CNTRL: variants seen among roughly 807,000 people sequenced by gnomAD.
CNTRL encodes centriolin.
A neutral mutation model predicts 303.7 loss-of-function variants in CNTRL; 233 were observed. The observed-to-expected ratio is 0.77, with a 90% CI of 0.69 to 0.86. The LOEUF (loss-of-function observed/expected upper bound fraction) is 0.86. Ranked by LOEUF, CNTRL falls within the 40% of genes least tolerant of loss-of-function variation. The pLI, the probability that CNTRL is intolerant of heterozygous loss-of-function variation, is 0.00. For synonymous variants in CNTRL, 900 were observed against 922.2 expected (o/e 0.98, Z 0.44); for missense variants, 2,524 against 2,650.6 (o/e 0.95, Z 1.05).
chr9:121,076,779 A>C (rs1170565804), intron 1 of CNTRL, among the ~76,000 whole-genome samples: 2 of 152,142 alleles, frequency 1.3e-5, no homozygotes, highest in Non-Finnish European at 2.9e-5. Context: ...GACTTTGCAG[A>C]GGAATCGGAA....
chr9:121,092,069 A>G (rs575746713), intron 4 of CNTRL, among the ~76,000 whole-genome samples: 42 of 146,206 alleles, frequency 2.9e-4, no homozygotes, highest in East Asian at 9.8e-4. Context: ...GGCAAAATAT[A>G]TATATTTATA....
At chr9:121,157,381 T>C in intron 27 of CNTRL, 89 bp from the exon 28 acceptor site, 5 of 1,351,944 alleles carry the variant, frequency 3.7e-6, no homozygotes, top group Non-Finnish European at 5.0e-6. Context: ...ACCATCTTGT[T>C]TTCCAAAAGA....
In CNTRL at chr9:121,127,973, C is replaced by T. The variant is rs528378115; in HGVS notation, c.2025+2037C>T. Reference sequence around the variant, plus strand: ...TCCATGTCCCTGCAAAGGACATGAACTCATCCTTTTTTATGGCTGCATAGT... The same window carrying T: ...TCCATGTCCCTGCAAAGGACATGAATTCATCCTTTTTTATGGCTGCATAGT... On this transcript the variant is annotated intron_variant, in intron 14 of 43. Coordinates refer to ENST00000373855, the MANE Select transcript of CNTRL (RefSeq NM_007018.6). 1.2e-3 allele frequency among the ~76,000 whole-genome samples: 190 copies of T among 152,256 alleles called. 1 individual carries two copies. Among genetic ancestry groups the T allele is most frequent in the African/African-American group, 4.3e-3 (180 of 41,542 alleles).
chr9:121,122,860 G>C (rs905656004), intron 12 of CNTRL, among the ~76,000 whole-genome samples: 1 of 152,138 alleles, frequency 6.6e-6, no homozygotes, highest in Non-Finnish European at 1.5e-5. Flanking sequence ...TGAAAGCTCT[G>C]TTTTCCACCA....
chr9:121,097,980 CTA>C (rs1217976945), intron 6 of CNTRL, among the ~76,000 whole-genome samples: 1 of 152,126 alleles, frequency 6.6e-6, no homozygotes, highest in Non-Finnish European at 1.5e-5. Flanking sequence ...TTTTTTATAA[CTA>C]TTCATTTTTT....
Position 121,144,867 on chromosome 9 carries a change from A to T in CNTRL, c.3076A>T (p.Ser1026Cys). Reference sequence around the variant, plus strand: ...GGAGTTGCAGGAAGCAGAGAGGTTCAGCAGAAAGGCAGCACAAGCAGCCAG... The same window carrying T: ...GGAGTTGCAGGAAGCAGAGAGGTTCTGCAGAAAGGCAGCACAAGCAGCCAG... Reference protein sequence around the residue: ...AEELQEAERFSRKAAQAARDL... With the variant: ...AEELQEAERFCRKAAQAARDL... Residue 1026 changes from serine to cysteine, a missense_variant, in exon 21 of 44, where the codon AGC (serine) becomes TGC (cysteine). Coordinates refer to ENST00000373855, the MANE Select transcript of CNTRL (RefSeq NM_007018.6). 1 of 1,613,376 alleles carries T rather than the reference A, an allele frequency of 6.2e-7. No individual in the cohort carries two copies. Among genetic ancestry groups the T allele is most frequent in the East Asian group, 2.2e-5 (1 of 44,884 alleles).
chr9:121,139,873 C>A (rs2051405796), intron 16 of CNTRL, among the ~76,000 whole-genome samples: 1 of 152,160 alleles, frequency 6.6e-6, no homozygotes, highest in Non-Finnish European at 1.5e-5. Context: ...ATATAATATT[C>A]TTCAGGGGGC....
At chr9:121,089,714 C>G (rs1451684919) in intron 3 of CNTRL, among the ~76,000 whole-genome samples, 2 of 152,058 alleles carry the variant, frequency 1.3e-5, no homozygotes, top group Non-Finnish European at 2.9e-5. Flanking sequence ...TAAAAACTAA[C>G]ACGAAAATAT....
rs1247181404 is a variant in CNTRL at position 121,150,293 on chromosome 9, A to G, written c.3773A>G (p.Gln1258Arg). The change falls in exon 25 of 44, where the codon CAG becomes CGG. Residue 1258 changes from glutamine (Q) to arginine (R), a missense_variant. By Grantham distance (43) the Gln-to-Arg change is conservative. Coordinates refer to ENST00000373855, the MANE Select transcript of CNTRL (RefSeq NM_007018.6). ...TVLPDGSPVP[Q>R]GMALYAPPPP... ...CTTCCTGATGGTTCTCCTGTACCCC[A>G]GGGCATGGCCCTGTATGCACCACCT... 6.2e-7 allele frequency: 1 copy of G among 1,614,186 alleles called. No homozygotes were observed. The highest frequency in any genetic ancestry group is 8.5e-7 in the Non-Finnish European group (1 of 1,180,020).
chr9:121,101,446 C>G (rs537648040), intron 7 of CNTRL, among the ~76,000 whole-genome samples: 2 of 152,130 alleles, frequency 1.3e-5, no homozygotes, highest in South Asian at 4.1e-4. Flanking sequence ...CAAGAGACAG[C>G]AGAAAAGATC....
At position 121,092,684 on chromosome 9, in the gene CNTRL, T is replaced by G. The variant is rs1282990867; in HGVS notation, c.349-2204T>G. ...TATATCTATATATATAATATATATC[T>G]ATATATATAATATATATCTATATAT... On this transcript the variant is annotated intron_variant, in intron 4 of 43. Transcript: ENST00000373855. Among the ~76,000 whole-genome samples the G allele has an allele frequency of 6.1e-4, 20 of 32,966 alleles. 4 individuals are homozygous for G. The highest frequency in any genetic ancestry group is 2.1e-3 in the African/African-American group (20 of 9,502). 21.6% of individuals were successfully genotyped at this position (32,966 alleles called of 152,430 possible).
At chr9:121,098,613 G>T in intron 7 of CNTRL, 41 bp downstream of exon 7, 2 of 1,305,334 alleles carry the variant, frequency 1.5e-6, no homozygotes, top group Non-Finnish European at 1.1e-6. Flanking sequence ...GGGTGAGGGA[G>T]GAATTTATTT....
intron 2 of CNTRL, among the ~76,000 whole-genome samples, chr9:121,082,483 C>CA (rs1269999987): frequency 1.3e-5 from 2 of 152,190 alleles, no homozygotes; most frequent in Non-Finnish European, 2.9e-5. Context: ...TCATGTGTCC[C>CA]TTAATGACAG....
At chr9:121,097,443 A>T (rs759744917) in intron 6 of CNTRL, among the ~76,000 whole-genome samples, 4 of 152,056 alleles carry the variant, frequency 2.6e-5, no homozygotes, top group East Asian at 1.9e-4. Context: ...AAAATGCTTT[A>T]AAAAAAACTT....
At position 121,075,031 on chromosome 9, in the gene CNTRL, C is replaced by G; in HGVS notation, c.-241C>G. The G allele has an allele frequency of 2.2e-6, 1 of 450,482 alleles. No homozygotes were observed. Among genetic ancestry groups the G allele is most frequent in the Non-Finnish European group, 4.5e-6 (1 of 223,116 alleles). The allele number at this position is 450,482 out of a possible 1,614,324, so 27.9% of individuals were successfully genotyped here. ...AGAGCCCGAACTTCTCCCGCTCTAC[C>G]TCAGCCTGCGGGACTGCTCGGCTCG... On this transcript the variant is annotated 5_prime_UTR_variant, in exon 1 of 44. Transcript: ENST00000373855.
chr9:121,161,133 A>AGTGT (rs139754979), intron 32 of CNTRL: 61 of 345,662 alleles, frequency 1.8e-4, no homozygotes, highest in East Asian at 8.7e-4. Context: ...AATGTGTGAG[A>AGTGT]GTGTGTGTGT....
intron 43 of CNTRL, among the ~76,000 whole-genome samples, chr9:121,175,571 G>C (rs2053488898): frequency 6.6e-6 from 1 of 152,208 alleles, no homozygotes; most frequent in African/African-American, 2.4e-5. Flanking sequence ...GCTGAGCCAA[G>C]AGGAAACTCG....
At chr9:121,079,291 G>A (rs1025791899) in intron 1 of CNTRL, among the ~76,000 whole-genome samples, 9 of 152,140 alleles carry the variant, frequency 5.9e-5, no homozygotes, top group African/African-American at 1.9e-4. Flanking sequence ...TGTAACTTGG[G>A]GGAGTTTTTC....
chr9:121,099,718 C>A (rs1361752900), intron 7 of CNTRL, among the ~76,000 whole-genome samples: 2 of 152,148 alleles, frequency 1.3e-5, no homozygotes, highest in Non-Finnish European at 2.9e-5. Flanking sequence ...CCTTAAATGA[C>A]CTGACAGAGC....
Sources: gnomAD v4.1 joint callset for allele counts (sites outside exome capture counted in the v4.1 genomes callset) on GRCh38, gnomAD v4.1.1 for gene constraint, MANE v1.5 for transcripts, NCBI Gene and HGNC (gene_info 2026-07-23, HGNC 2026-07-21) for gene names.